EXOC6B: variants seen among roughly 807,000 people sequenced by gnomAD.
EXOC6B encodes exocyst complex component 6B, also known as SEC15 homolog B.
A neutral mutation model predicts 113.5 loss-of-function variants in EXOC6B; 54 were observed. The ratio of observed to expected loss-of-function variants is 0.48; its 90% CI spans 0.38 to 0.60. EXOC6B has a LOEUF of 0.60. Among genes scored for constraint, EXOC6B ranks in the 20% least tolerant of loss-of-function variants. EXOC6B has a pLI of 0.00. For synonymous variants in EXOC6B, 357 were observed against 339.0 expected, an observed-to-expected ratio of 1.05 and a Z score of -0.58; for missense variants, 797 against 977.5, an observed-to-expected ratio of 0.82 and a Z score of 2.46.
At chr2:72,662,316 A>C (rs1457352739) in intron 6 of EXOC6B, among the ~76,000 whole-genome samples, 1 of 152,212 alleles carries the variant, frequency 6.6e-6, no homozygotes, top group African/African-American at 2.4e-5. Flanking sequence ...TCCACTTTCT[A>C]AAAACTGATA....
At chr2:72,756,813 G>GGAAAAAGGATGAGGGAAA (rs1682440374) in intron 1 of EXOC6B, among the ~76,000 whole-genome samples, 1 of 151,706 alleles carries the variant, frequency 6.6e-6, no homozygotes, top group South Asian at 2.1e-4. Context: ...ATAAAATGAA[G>GGAAAAAGGATGAGGGAAA]GAAAAAGGAT....
At chr2:72,214,228 C>T (rs1031237427) in intron 20 of EXOC6B, among the ~76,000 whole-genome samples, 2 of 121,354 alleles carry the variant, frequency 1.6e-5, no homozygotes, top group African/African-American at 5.2e-5. Context: ...TGGCTCATGC[C>T]TGTAATCCCA....
intron 6 of EXOC6B, among the ~76,000 whole-genome samples, chr2:72,587,214 T>C (rs947305120): frequency 1.3e-5 from 2 of 152,124 alleles, no homozygotes; most frequent in African/African-American, 2.4e-5. Context: ...TACATATACA[T>C]CATGGAATAC....
intron 18 of EXOC6B, among the ~76,000 whole-genome samples, chr2:72,411,793 C>T (rs141732364): frequency 3.1e-4 from 47 of 151,938 alleles, no homozygotes; most frequent in African/African-American, 8.9e-4. Context: ...AGGTGATTCC[C>T]GCAAAAATGA....
chr2:72,306,845 TC>T (rs1686891887), intron 20 of EXOC6B, among the ~76,000 whole-genome samples: 1 of 152,324 alleles, frequency 6.6e-6, no homozygotes, highest in African/African-American at 2.4e-5. Context: ...TGATAATAGT[TC>T]CTAATTACTA....
At chr2:72,716,103 G>T (rs1679598634) in intron 6 of EXOC6B, among the ~76,000 whole-genome samples, 2 of 152,102 alleles carry the variant, frequency 1.3e-5, no homozygotes. Flanking sequence ...ATTAAGTTCA[G>T]ACCAACAGAA....
At chr2:72,213,732 C>A (rs565416736) in intron 20 of EXOC6B, among the ~76,000 whole-genome samples, 1 of 152,172 alleles carries the variant, frequency 6.6e-6, no homozygotes, top group Admixed American at 6.5e-5. Flanking sequence ...GAGGGCAGAA[C>A]CCTCATCAAT....
intron 6 of EXOC6B, among the ~76,000 whole-genome samples, chr2:72,700,824 G>T (rs916633510): frequency 6.6e-6 from 1 of 152,116 alleles, no homozygotes; most frequent in Non-Finnish European, 1.5e-5. Context: ...GATGGAGGGT[G>T]CCTGTAATCC....
intron 6 of EXOC6B, among the ~76,000 whole-genome samples, chr2:72,711,866 G>A (rs1049904383): frequency 6.6e-6 from 1 of 152,102 alleles, no homozygotes; most frequent in Non-Finnish European, 1.5e-5. Context: ...GGACAGAACA[G>A]GAGATTTCAT....
At chr2:72,624,852 A>G (rs1299717388) in intron 6 of EXOC6B, among the ~76,000 whole-genome samples, 1 of 152,180 alleles carries the variant, frequency 6.6e-6, no homozygotes, top group Non-Finnish European at 1.5e-5. Context: ...TAATTTTTAT[A>G]TCAAACCTAT....
intron 19 of EXOC6B, among the ~76,000 whole-genome samples, chr2:72,364,237 G>A (rs1025864750): frequency 3.3e-5 from 5 of 151,822 alleles, no homozygotes; most frequent in African/African-American, 1.2e-4. Flanking sequence ...TGAGGGGGGT[G>A]GTATAGGGAA....
At chr2:72,802,761 G>A (rs1027522176) in intron 1 of EXOC6B, among the ~76,000 whole-genome samples, 1 of 152,096 alleles carries the variant, frequency 6.6e-6, no homozygotes, top group East Asian at 1.9e-4. Context: ...ATGAAGTATA[G>A]ATACAGAAGA....
At chr2:72,636,360 G>GGAA (rs1159600776) in intron 6 of EXOC6B, among the ~76,000 whole-genome samples, 17 of 126,972 alleles carry the variant, frequency 1.3e-4, no homozygotes, top group African/African-American at 5.7e-4. Flanking sequence ...AAGGAAGGAA[G>GGAA]GAAGGAAGGA....
chr2:72,380,904 A>C (rs1236645870), intron 18 of EXOC6B, among the ~76,000 whole-genome samples: 1 of 152,208 alleles, frequency 6.6e-6, no homozygotes, highest in Non-Finnish European at 1.5e-5. Context: ...TGATGTTTTA[A>C]AAACACTATG....
At chr2:72,193,152 T>G (rs1473621322) in intron 20 of EXOC6B, among the ~76,000 whole-genome samples, 1 of 151,790 alleles carries the variant, frequency 6.6e-6, no homozygotes, top group Non-Finnish European at 1.5e-5. Context: ...GCAAAAAGAG[T>G]TCCAAGGCTG....
At chr2:72,735,704 T>C (rs1680903983) in intron 2 of EXOC6B, among the ~76,000 whole-genome samples, 1 of 151,462 alleles carries the variant, frequency 6.6e-6, no homozygotes, top group African/African-American at 2.4e-5. Flanking sequence ...GAATCCCAGC[T>C]ACTTGGGAGG....
At chr2:72,633,067 G>GT (rs1672580568) in intron 6 of EXOC6B, among the ~76,000 whole-genome samples, 1 of 152,038 alleles carries the variant, frequency 6.6e-6, no homozygotes, top group South Asian at 2.1e-4. Flanking sequence ...TAACATTTTT[G>GT]TTTTTTCTAC....
intron 8 of EXOC6B, among the ~76,000 whole-genome samples, chr2:72,550,686 A>G (rs1573374270): frequency 3.3e-5 from 5 of 152,290 alleles, no homozygotes. Context: ...TATCATCTCT[A>G]AATAATAACC....
Position 72,213,307 on chromosome 2 carries a change from C to T in EXOC6B, c.2197-29120G>A, listed in dbSNP as rs1451958491. 2.6e-5 allele frequency among the ~76,000 whole-genome samples: 4 copies of T among 152,192 alleles called. No homozygotes were observed. In the East Asian group the frequency reaches 7.7e-4, roughly 29 times the overall value. On this transcript the variant is annotated intron_variant, in intron 20 of 21. Transcript: ENST00000272427. Reference sequence around the variant, plus strand: ...TGCCTAGCTGAGCCCTGGCCAAATTCCTGACCCACAGAATAATGAACAAAT... The same window carrying T: ...TGCCTAGCTGAGCCCTGGCCAAATTTCTGACCCACAGAATAATGAACAAAT...
Sources: allele counts gnomAD v4.1 joint callset (sites outside exome capture counted in the v4.1 genomes callset), GRCh38; gene constraint gnomAD v4.1.1; transcripts MANE v1.5; gene names NCBI Gene and HGNC (gene_info 2026-07-23, HGNC 2026-07-21).